The following RAB3C variants were observed in gnomAD, a reference collection of about 807,000 sequenced individuals.
RAB3C encodes the protein ras-related protein Rab-3C.
A neutral mutation model predicts 26.4 loss-of-function variants in RAB3C; 17 were observed. The ratio of observed to expected loss-of-function variants is 0.64; its 90% confidence interval spans 0.44 to 0.97. The LOEUF is 0.97. RAB3C is among the 50% of genes least tolerant of loss of function. RAB3C has a pLI of 0.00. For synonymous variants in RAB3C, 91 were observed against 95.9 expected, an observed-to-expected ratio of 0.95 and a Z score of 0.30; for missense variants, 242 against 281.9, an observed-to-expected ratio of 0.86 and a Z score of 1.01.
chr5:58,836,234 C>G (rs1743742944), intron 4 of RAB3C, among the ~76,000 whole-genome samples: 1 of 140,374 alleles, frequency 7.1e-6, no homozygotes, highest in Non-Finnish European at 1.5e-5. Context: ...GATGTTCACT[C>G]ATATATTTCT....
chr5:58,615,826 A>T (rs1295718146), intron 1 of RAB3C, among the ~76,000 whole-genome samples: 2 of 152,192 alleles, frequency 1.3e-5, no homozygotes, highest in Non-Finnish European at 2.9e-5. Flanking sequence ...CTTAACTTTC[A>T]TGAAATACCC....
At chr5:58,623,204 C>T (rs1362840834) in intron 2 of RAB3C, among the ~76,000 whole-genome samples, 2 of 152,202 alleles carry the variant, frequency 1.3e-5, no homozygotes, top group Non-Finnish European at 2.9e-5. Context: ...TTCTGGAATG[C>T]TGTTTCTGCT....
intron 3 of RAB3C, among the ~76,000 whole-genome samples, chr5:58,762,012 C>T (rs1741805871): frequency 6.6e-6 from 1 of 150,798 alleles, no homozygotes; most frequent in Non-Finnish European, 1.5e-5. Context: ...ATCATCTGAG[C>T]CACATATGTT....
intron 2 of RAB3C, 99 bp downstream of exon 2, chr5:58,617,969 C>T: frequency 1.4e-6 from 1 of 704,138 alleles, no homozygotes; most frequent in Non-Finnish European, 2.4e-6. Context: ...CCCAGGGCAT[C>T]CACAAGCCTC....
intron 1 of RAB3C, among the ~76,000 whole-genome samples, chr5:58,611,179 G>T (rs10041831): frequency 6.6e-6 from 1 of 151,934 alleles, no homozygotes; most frequent in African/African-American, 2.4e-5. Flanking sequence ...TGAATAGGGC[G>T]ATAATGAACA....
At chr5:58,702,946 T>G (rs954492267) in intron 2 of RAB3C, among the ~76,000 whole-genome samples, 1 of 152,266 alleles carries the variant, frequency 6.6e-6, no homozygotes, top group Non-Finnish European at 1.5e-5. Flanking sequence ...ACCTGGATAG[T>G]GAGTATAAGT....
intron 2 of RAB3C, among the ~76,000 whole-genome samples, chr5:58,639,571 A>G (rs1379647606): frequency 1.3e-5 from 2 of 152,076 alleles, no homozygotes; most frequent in East Asian, 3.9e-4. Flanking sequence ...TAATCTCATC[A>G]TGGGGACCAC....
chr5:58,690,026 A>G (rs548436424), intron 2 of RAB3C, among the ~76,000 whole-genome samples: 1 of 152,248 alleles, frequency 6.6e-6, no homozygotes, highest in South Asian at 2.1e-4. Context: ...ACCTAGAGTT[A>G]TGCATACTGG....
chr5:58,805,748 T>C (rs534885657), intron 3 of RAB3C, among the ~76,000 whole-genome samples: 1 of 152,040 alleles, frequency 6.6e-6, no homozygotes, highest in Non-Finnish European at 1.5e-5. Context: ...GAAATATTCC[T>C]AGGAAGGTAG....
intron 3 of RAB3C, among the ~76,000 whole-genome samples, chr5:58,789,649 T>C (rs1305517935): frequency 2.0e-5 from 3 of 152,190 alleles, no homozygotes; most frequent in Non-Finnish European, 4.4e-5. Flanking sequence ...CAGATCCATA[T>C]ACCTGGGAAA....
At chr5:58,642,652 C>T (rs775440032) in intron 2 of RAB3C, among the ~76,000 whole-genome samples, 1 of 152,178 alleles carries the variant, frequency 6.6e-6, no homozygotes, top group Non-Finnish European at 1.5e-5. Context: ...AAAAACAGTG[C>T]TATTGACTTG....
chr5:58,744,430 T>A (rs1254912676), intron 3 of RAB3C, among the ~76,000 whole-genome samples: 1 of 152,224 alleles, frequency 6.6e-6, no homozygotes, highest in Non-Finnish European at 1.5e-5. Context: ...TCTGCAAACA[T>A]GCAGTCATCG....
intron 4 of RAB3C, among the ~76,000 whole-genome samples, chr5:58,845,673 TG>T: frequency 6.9e-6 from 1 of 145,692 alleles, no homozygotes; most frequent in South Asian, 2.2e-4. Context: ...TATACATATA[TG>T]TATATATGTG....
At chr5:58,755,966 G>C (rs1255929813) in intron 3 of RAB3C, among the ~76,000 whole-genome samples, 2 of 151,906 alleles carry the variant, frequency 1.3e-5, no homozygotes, top group Non-Finnish European at 2.9e-5. Flanking sequence ...ATTTTTATTT[G>C]CTGTGATTAT....
At chr5:58,839,141 AT>A (rs968312311) in intron 4 of RAB3C, among the ~76,000 whole-genome samples, 48 of 150,088 alleles carry the variant, frequency 3.2e-4, no homozygotes, top group Non-Finnish European at 5.3e-4. Flanking sequence ...TTGGGCCTTG[AT>A]TTTTTTTTAA....
At chr5:58,699,650 A>T (rs1024061741) in intron 2 of RAB3C, among the ~76,000 whole-genome samples, 1 of 152,022 alleles carries the variant, frequency 6.6e-6, no homozygotes, top group African/African-American at 2.4e-5. Flanking sequence ...TGCTTTGTTT[A>T]CCTACTCAAG....
chr5:58,771,283 G>T (rs922866325), intron 3 of RAB3C, among the ~76,000 whole-genome samples: 3 of 152,080 alleles, frequency 2.0e-5, no homozygotes, highest in Non-Finnish European at 2.9e-5. Context: ...ATAAATATGG[G>T]TATACATATG....
At chr5:58,757,470 T>C (rs1741698331) in intron 3 of RAB3C, among the ~76,000 whole-genome samples, 1 of 152,284 alleles carries the variant, frequency 6.6e-6, no homozygotes, top group Non-Finnish European at 1.5e-5. Flanking sequence ...TTTTTTTTAA[T>C]GAAACATTTC....
intron 2 of RAB3C, among the ~76,000 whole-genome samples, chr5:58,700,847 C>T (rs1221612667): frequency 6.6e-6 from 1 of 152,082 alleles, no homozygotes; most frequent in Admixed American, 6.6e-5. Context: ...ATTGAGAGCA[C>T]TTGGTTTGGT....
Sources: gnomAD v4.1 joint callset for allele counts (sites outside exome capture counted in the v4.1 genomes callset) on GRCh38, gnomAD v4.1.1 for gene constraint, MANE v1.5 for transcripts, NCBI Gene and HGNC (gene_info 2026-07-23, HGNC 2026-07-21) for gene names.